IL6R: variants seen among roughly 807,000 people sequenced by gnomAD.
The protein encoded by IL6R is interleukin 6 receptor.
IL6R carries 38 observed loss-of-function variants against 48.3 expected under a neutral mutation model. The observed-to-expected ratio is 0.79, with a 90% CI of 0.61 to 1.03. IL6R has a LOEUF of 1.03. IL6R is among the 50% of genes least tolerant of loss of function. The pLI is 0.00. For synonymous variants in IL6R, 264 were observed against 256.2 expected, an observed-to-expected ratio of 1.03 and a Z score of -0.29; for missense variants, 534 against 618.3, an observed-to-expected ratio of 0.86 and a Z score of 1.45.
chr1:154,444,946 C>T, intron 6 of IL6R: 6 of 411,708 alleles, frequency 1.5e-5, no homozygotes, highest in South Asian at 6.8e-5. Context: ...CCCGCCCCCC[C>T]CAAATGAGGA....
intron 6 of IL6R, among the ~76,000 whole-genome samples, chr1:154,439,326 A>T (rs992814411): frequency 2.6e-5 from 4 of 152,194 alleles, no homozygotes; most frequent in African/African-American, 7.2e-5. Context: ...TATTATTATT[A>T]TTTTTTGAGA....
rs1410162801 is a variant in IL6R, at chr1:154,465,636, G to T, written c.*256G>T. 3.9e-6 allele frequency: 2 copies of T among 517,146 alleles called. No homozygotes were observed. The highest frequency in any genetic ancestry group is 6.4e-5 in the Admixed American group (2 of 31,108). The allele number at this position is 517,146 out of a possible 1,614,324, so 32.0% of individuals were successfully genotyped here. Reference sequence around the variant, plus strand: ...GAGTGAACTTGGGCCACTGTGAAGAGAACCATATCAAGACTCTTTGGACAC... The same window carrying T: ...GAGTGAACTTGGGCCACTGTGAAGATAACCATATCAAGACTCTTTGGACAC... On this transcript the variant is annotated 3_prime_UTR_variant, in exon 10 of 10. Transcript: ENST00000368485.
At chr1:154,452,167 C>T (rs1690620737) in intron 8 of IL6R, among the ~76,000 whole-genome samples, 1 of 152,202 alleles carries the variant, frequency 6.6e-6, no homozygotes, top group Non-Finnish European at 1.5e-5. Context: ...CCCCAACCAA[C>T]TCTTTTCCAA....
intron 9 of IL6R, among the ~76,000 whole-genome samples, chr1:154,455,798 T>G (rs1690846281): frequency 2.0e-5 from 3 of 150,306 alleles, no homozygotes; most frequent in Non-Finnish European, 4.4e-5. Context: ...GGCTCACGCT[T>G]GTAATTCCAT....
At chr1:154,453,284 C>T (rs1183237316) in intron 8 of IL6R, among the ~76,000 whole-genome samples, 3 of 152,246 alleles carry the variant, frequency 2.0e-5, no homozygotes, top group South Asian at 2.1e-4. Context: ...TTTCATTACA[C>T]AGCTGCATCT....
intron 1 of IL6R, chr1:154,414,934 A>T: frequency 9.0e-7 from 1 of 1,108,406 alleles, no homozygotes; most frequent in Non-Finnish European, 1.3e-6. Flanking sequence ...GAAGGAGGGG[A>T]TGTCCTCGCA....
intron 1 of IL6R, chr1:154,414,649 T>A (rs1688228485): frequency 1.2e-6 from 1 of 842,890 alleles, no homozygotes; most frequent in Admixed American, 1.9e-5. Context: ...GAAGACGGTG[T>A]AGCTCTTGGC....
At chr1:154,448,057 C>A (rs1407231124) in intron 6 of IL6R, 68 bp from the exon 7 acceptor site, 2 of 1,284,486 alleles carry the variant, frequency 1.6e-6, no homozygotes, top group Admixed American at 1.9e-5. Context: ...TTTTCTGATG[C>A]TGAAGCCCCT....
chr1:154,410,790 C>T (rs1687977393), intron 1 of IL6R, among the ~76,000 whole-genome samples: 1 of 152,156 alleles, frequency 6.6e-6, no homozygotes, highest in Non-Finnish European at 1.5e-5. Flanking sequence ...CTCCCCAGCA[C>T]CTGTTCTCTG....
chr1:154,456,463 T>A (rs1283442296), intron 9 of IL6R, among the ~76,000 whole-genome samples: 4 of 152,092 alleles, frequency 2.6e-5, no homozygotes, highest in Non-Finnish European at 5.9e-5. Flanking sequence ...CGCCTCCGCC[T>A]CCCAAAGTGC....
chr1:154,409,057 G>T (rs997257422), intron 1 of IL6R, among the ~76,000 whole-genome samples: 1 of 152,146 alleles, frequency 6.6e-6, no homozygotes, highest in African/African-American at 2.4e-5. Flanking sequence ...TGAGGTGGGA[G>T]AATCACTTGA....
intron 3 of IL6R, among the ~76,000 whole-genome samples, chr1:154,431,129 C>A (rs1039180573): frequency 1.3e-5 from 2 of 149,158 alleles, no homozygotes; most frequent in African/African-American, 5.0e-5. Flanking sequence ...CGGTGATGGG[C>A]GGGGGAGAGG....
At chr1:154,427,706 G>A (rs1689056423) in intron 1 of IL6R, among the ~76,000 whole-genome samples, 1 of 152,222 alleles carries the variant, frequency 6.6e-6, no homozygotes, top group Non-Finnish European at 1.5e-5. Flanking sequence ...TCCCTGGACT[G>A]TGGCCAGTAG....
At chr1:154,444,945 C>T (rs530199787) in intron 6 of IL6R, 54 of 411,408 alleles carry the variant, frequency 1.3e-4, no homozygotes, top group African/African-American at 1.0e-3. Context: ...ACCCGCCCCC[C>T]CCAAATGAGG....
intron 7 of IL6R, among the ~76,000 whole-genome samples, chr1:154,448,381 C>T (rs1350414073): frequency 1.3e-5 from 2 of 152,240 alleles, no homozygotes; most frequent in African/African-American, 2.4e-5. Context: ...CAGCGCTGGC[C>T]TGGCGTGCAG....
chr1:154,450,809 G>A (rs750621002), intron 8 of IL6R, among the ~76,000 whole-genome samples: 7 of 152,370 alleles, frequency 4.6e-5, no homozygotes, highest in East Asian at 1.9e-4. Flanking sequence ...CTTGGGCTTC[G>A]TGAGGCAGTC....
At chr1:154,459,681 T>A (rs2149274585) in intron 9 of IL6R, among the ~76,000 whole-genome samples, 1 of 152,346 alleles carries the variant, frequency 6.6e-6, no homozygotes, top group East Asian at 1.9e-4. Context: ...TTTTTAAAAT[T>A]TAAATATGCT....
At chr1:154,427,103 A>G (rs1021551451) in intron 1 of IL6R, among the ~76,000 whole-genome samples, 5 of 152,104 alleles carry the variant, frequency 3.3e-5, no homozygotes, top group African/African-American at 9.7e-5. Flanking sequence ...TATTTTTAGT[A>G]GAGACAGGGT....
chr1:154,426,332 G>T (rs371893653), intron 1 of IL6R, among the ~76,000 whole-genome samples: 1 of 151,758 alleles, frequency 6.6e-6, no homozygotes, highest in African/African-American at 2.4e-5. Context: ...CTAATATGGT[G>T]AAACCCCATC....
Sources: gnomAD v4.1 joint callset for allele counts (sites outside exome capture counted in the v4.1 genomes callset) on GRCh38, gnomAD v4.1.1 for gene constraint, MANE v1.5 for transcripts, NCBI Gene and HGNC (gene_info 2026-07-23, HGNC 2026-07-21) for gene names.